RSRC1: variants seen among roughly 807,000 people sequenced by gnomAD.
The protein encoded by RSRC1 is arginine and serine rich coiled-coil 1, also known as serine/Arginine-related protein 53.
RSRC1 carries 39 observed loss-of-function variants against 49.1 expected under a neutral mutation model. That is an observed-to-expected ratio of 0.79 (90% CI 0.61 to 1.04). The LOEUF is 1.04. Ranked by LOEUF, RSRC1 falls within the 50% of genes least tolerant of loss-of-function variation. The probability of loss-of-function intolerance (pLI) is 0.00; values close to 1 mark genes in which losing one functional copy is unlikely to be tolerated. For missense variants in RSRC1, 388 were observed against 402.4 expected (o/e 0.96, Z 0.31); for synonymous variants, 143 against 130.8 (o/e 1.09, Z -0.63).
At chr3:158,509,542 A>T (rs1740041167) in intron 7 of RSRC1, among the ~76,000 whole-genome samples, 1 of 152,142 alleles carries the variant, frequency 6.6e-6, no homozygotes. Context: ...TACAAATTTA[A>T]GTAAGCTGAG....
At chr3:158,189,476 A>C (rs1470580656) in intron 3 of RSRC1, among the ~76,000 whole-genome samples, 2 of 151,928 alleles carry the variant, frequency 1.3e-5, no homozygotes, top group Non-Finnish European at 2.9e-5. Flanking sequence ...TTAGATTAAT[A>C]CACACGTTTG....
intron 8 of RSRC1, among the ~76,000 whole-genome samples, chr3:158,537,852 A>G (rs2108506000): frequency 6.6e-6 from 1 of 151,894 alleles, no homozygotes; most frequent in East Asian, 1.9e-4. Context: ...AATTGTATTA[A>G]TGGCTGTATA....
At chr3:158,163,967 C>A (rs554345131) in intron 3 of RSRC1, among the ~76,000 whole-genome samples, 1 of 152,204 alleles carries the variant, frequency 6.6e-6, no homozygotes, top group East Asian at 1.9e-4. Context: ...TTCATCTGTA[C>A]TTCTAACAAA....
chr3:158,473,209 C>T (rs1289719124), intron 7 of RSRC1, among the ~76,000 whole-genome samples: 1 of 152,142 alleles, frequency 6.6e-6, no homozygotes. Context: ...AAGACACATG[C>T]ACACGTATGT....
chr3:158,243,539 C>G (rs1095631), intron 4 of RSRC1, among the ~76,000 whole-genome samples: 144,116 of 152,280 alleles, frequency 0.95, 68,299 homozygotes, highest in East Asian at 1. Context: ...GCTTTTTTTG[C>G]TTCCATATTA....
intron 6 of RSRC1, among the ~76,000 whole-genome samples, chr3:158,397,758 C>T (rs1339799763): frequency 6.6e-6 from 1 of 152,102 alleles, no homozygotes; most frequent in East Asian, 1.9e-4. Flanking sequence ...TGAACATGCT[C>T]TTCTCTTTCC....
chr3:158,316,931 A>T (rs1227280298), intron 5 of RSRC1, among the ~76,000 whole-genome samples: 2 of 152,200 alleles, frequency 1.3e-5, no homozygotes, highest in Non-Finnish European at 2.9e-5. Context: ...AAGATTTATT[A>T]TTTAGTGCAA....
At chr3:158,198,382 T>C (rs895766854) in intron 3 of RSRC1, among the ~76,000 whole-genome samples, 11 of 152,200 alleles carry the variant, frequency 7.2e-5, no homozygotes, top group Non-Finnish European at 1.3e-4. Context: ...AGCTTATGTG[T>C]ATCTCTGCAT....
At chr3:158,431,437 G>C (rs949119199) in intron 6 of RSRC1, among the ~76,000 whole-genome samples, 1 of 151,682 alleles carries the variant, frequency 6.6e-6, no homozygotes, top group African/African-American at 2.4e-5. Flanking sequence ...ATGAAAATAA[G>C]TTATTTAGAA....
intron 7 of RSRC1, among the ~76,000 whole-genome samples, chr3:158,519,023 T>TTTTAACATA: frequency 6.6e-6 from 1 of 152,252 alleles, no homozygotes; most frequent in Admixed American, 6.5e-5. Flanking sequence ...TTTTTTTTTG[T>TTTTAACATA]TTTAACATAT....
chr3:158,482,748 T>G (rs903019692), intron 7 of RSRC1, among the ~76,000 whole-genome samples: 1 of 152,064 alleles, frequency 6.6e-6, no homozygotes, highest in Non-Finnish European at 1.5e-5. Flanking sequence ...GTAAACAATC[T>G]AATACTTAAA....
chr3:158,497,752 G>GCC (rs1739413066), intron 7 of RSRC1, among the ~76,000 whole-genome samples: 1 of 151,884 alleles, frequency 6.6e-6, no homozygotes, highest in South Asian at 2.1e-4. Context: ...TCATTCTTAC[G>GCC]TCTTTGTGTC....
chr3:158,518,136 A>ATGTG (rs1560073742), intron 7 of RSRC1, among the ~76,000 whole-genome samples: 1 of 85,370 alleles, frequency 1.2e-5, no homozygotes, highest in African/African-American at 6.8e-5. Context: ...GTATATATAT[A>ATGTG]TATATATATA....
intron 3 of RSRC1, among the ~76,000 whole-genome samples, chr3:158,140,367 A>G (rs988930958): frequency 4.6e-5 from 7 of 152,210 alleles, no homozygotes; most frequent in Admixed American, 3.3e-4. Flanking sequence ...ATGGTTTTAT[A>G]TAAAATAGAC....
chr3:158,348,576 ATTATT>A (rs1414241196), intron 5 of RSRC1, among the ~76,000 whole-genome samples: 1 of 142,564 alleles, frequency 7.0e-6, no homozygotes, highest in East Asian at 2.2e-4. Context: ...GTTTTTTTAA[ATTATT>A]TTATTTTTTT....
intron 6 of RSRC1, among the ~76,000 whole-genome samples, chr3:158,380,551 A>G (rs1274020018): frequency 6.6e-6 from 1 of 152,196 alleles, no homozygotes; most frequent in East Asian, 1.9e-4. Context: ...ACTTTTGCAT[A>G]TTATCACATT....
At chr3:158,330,040 A>T (rs827189) in intron 5 of RSRC1, among the ~76,000 whole-genome samples, 1 of 152,168 alleles carries the variant, frequency 6.6e-6, no homozygotes, top group African/African-American at 2.4e-5. Flanking sequence ...AGCCAGGCGC[A>T]GGATATTATC....
intron 6 of RSRC1, among the ~76,000 whole-genome samples, chr3:158,435,738 G>A (rs553927739): frequency 6.6e-6 from 1 of 151,622 alleles, no homozygotes; most frequent in Non-Finnish European, 1.5e-5. Flanking sequence ...TTGTAGATAA[G>A]CATGTTTATA....
chr3:158,530,941 A>G (rs889255359), intron 7 of RSRC1, among the ~76,000 whole-genome samples: 3 of 150,266 alleles, frequency 2.0e-5, no homozygotes, highest in African/African-American at 7.3e-5. Context: ...TAAAAAAAAA[A>G]AAAAAACTCA....
Sources: allele counts gnomAD v4.1 joint callset (sites outside exome capture counted in the v4.1 genomes callset), GRCh38; gene constraint gnomAD v4.1.1; transcripts MANE v1.5; gene names NCBI Gene and HGNC (gene_info 2026-07-23, HGNC 2026-07-21).